LYNX1: variants seen among roughly 807,000 people sequenced by gnomAD.
The protein encoded by LYNX1 is ly-6/neurotoxin-like protein 1.
LYNX1 carries 8 observed loss-of-function variants against 8.3 expected under a neutral mutation model. That is an observed-to-expected ratio of 0.97 (90% confidence interval 0.57 to 1.74). The LOEUF is 1.74. LYNX1 is among the 40% of genes most tolerant of loss of function. The pLI, the probability that LYNX1 is intolerant of heterozygous loss-of-function variation, is 0.00. For missense variants in LYNX1, 158 were observed against 159.7 expected, an observed-to-expected ratio of 0.99 and a Z score of 0.06; for synonymous variants, 73 against 67.9, an observed-to-expected ratio of 1.08 and a Z score of -0.37.
chr8:142,772,291 C>G lies in LYNX1; in HGVS notation c.*2876G>C. 1 of 985,862 alleles carries G rather than the reference C, an allele frequency of 1.0e-6. No individual in the cohort carries two copies. The highest frequency in any genetic ancestry group is 1.2e-6 in the Non-Finnish European group (1 of 830,008). The allele number at this position is 985,862 out of a possible 1,614,324, so 61.1% of individuals were successfully genotyped here. ...AGAGATCCCCGAAGTGGGAACTGGG[C>G]CCCCATGGTGCCCAGTGCCTCTCCC... On this transcript the variant is annotated 3_prime_UTR_variant, in exon 4 of 4. Coordinates refer to ENST00000652477, the MANE Select transcript of LYNX1 (RefSeq NM_177477.4).
Position 142,772,772 on chromosome 8 carries a change from G to C in LYNX1, c.*2395C>G, listed in dbSNP as rs1354108573. On this transcript the variant is annotated 3_prime_UTR_variant, in exon 4 of 4. Transcript: ENST00000652477. ...CTGCACAGCCACGCACTCCCCATGA[G>C]TGGGCCTGCCCAGCATTAGCTGAGT... 6 of 985,464 alleles carry C rather than the reference G, an allele frequency of 6.1e-6. No homozygotes were observed. The South Asian group carries it at 2.3e-4, about 39-fold the overall frequency. 61.0% of individuals were successfully genotyped at this position (985,464 alleles called of 1,614,324 possible). A position where few individuals can be genotyped will look rare whatever the true frequency, so the allele number is the denominator to read the frequency against.
rs1815329772 is a variant in LYNX1, at chr8:142,774,724, C to A, written c.*443G>T. The A allele has an allele frequency of 9.9e-7, 1 of 1,011,210 alleles. No individual in the cohort carries two copies. Among genetic ancestry groups the A allele is most frequent in the Non-Finnish European group, 1.2e-6 (1 of 846,190 alleles). 62.6% of individuals were successfully genotyped at this position (1,011,210 alleles called of 1,614,324 possible). A position where few individuals can be genotyped will look rare whatever the true frequency, so the allele number is the denominator to read the frequency against. ...GGAAGCGTGACTAGGCCTGGAGGAG[C>A]CTTTCCTCCTAAGAGTCTCCCCACC... is the stretch of plus-strand genomic sequence containing the variant. On this transcript the variant is annotated 3_prime_UTR_variant, in exon 4 of 4. Transcript: ENST00000652477.
Position 142,774,578 on chromosome 8 carries a change from C to CAGGGTGG in LYNX1, c.*588_*589insCCACCCT. 9 of 985,878 alleles carry CAGGGTGG rather than the reference C, an allele frequency of 9.1e-6. No homozygotes were observed. Among genetic ancestry groups the CAGGGTGG allele is most frequent in the Non-Finnish European group, 1.1e-5 (9 of 830,290 alleles). 61.1% of individuals were successfully genotyped at this position (985,878 alleles called of 1,614,324 possible). ...GCCTGCTGAGGCAGAGCCGCCCCCT[C>CAGGGTGG]CCCTGCAGGGGGTGGCTCCAACTCG... is the stretch of plus-strand genomic sequence containing the variant. On this transcript the variant is annotated 3_prime_UTR_variant, in exon 4 of 4. Coordinates refer to ENST00000652477, the MANE Select transcript of LYNX1 (RefSeq NM_177477.4).
chr8:142,777,516 ACCGCAGGCCCCGCCCCGGACCCG>A (rs1815478002), upstream of LYNX1, among the ~76,000 whole-genome samples: 1 of 81,798 alleles, frequency 1.2e-5, no homozygotes, highest in Non-Finnish European at 2.4e-5. Flanking sequence ...AGCCGAGTTC[ACCGCAGGCCCCGCCCCGGACCCG>A]CCTCCTGGGC....
chr8:142,774,119 C>T lies in LYNX1; in HGVS notation c.*1048G>A, dbSNP rs1434917382. The T allele has an allele frequency of 5.1e-6, 5 of 985,208 alleles. No homozygotes were observed. Among genetic ancestry groups the T allele is most frequent in the Admixed American group, 6.1e-5 (1 of 16,282 alleles). The allele number at this position is 985,208 out of a possible 1,614,324, so 61.0% of individuals were successfully genotyped here. On this transcript the variant is annotated 3_prime_UTR_variant, in exon 4 of 4. Coordinates refer to ENST00000652477, the MANE Select transcript of LYNX1 (RefSeq NM_177477.4). ...AGGGACCCACTCACTGTGCGCATCC[C>T]GCTGCGGGGGAGGGGCTGGGTCTCC...
chr8:142,774,848 G>A lies in LYNX1; in HGVS notation c.*319C>T. On this transcript the variant is annotated 3_prime_UTR_variant, in exon 4 of 4. Transcript: ENST00000652477. ...CTAGGGCTTCCCAGAAGGTGGGCTT[G>A]GCCACAGCTCCCATCTGCTCAGTGC... The A allele has an allele frequency of 1.6e-6, 2 of 1,220,594 alleles. No homozygotes were observed. Among genetic ancestry groups the A allele is most frequent in the South Asian group, 2.7e-5 (1 of 36,416 alleles). 75.6% of individuals were successfully genotyped at this position (1,220,594 alleles called of 1,614,324 possible). A position where few individuals can be genotyped will look rare whatever the true frequency, so the allele number is the denominator to read the frequency against.
Position 142,772,351 on chromosome 8 carries a change from C to T in LYNX1, c.*2816G>A. On this transcript the variant is annotated 3_prime_UTR_variant, in exon 4 of 4. Transcript: ENST00000652477. ...TGCCACTCTGCCCTGCACCCAGAGG[C>T]AGCGCTGGAGGCCTTACTCTACCAC... The T allele has an allele frequency of 1.0e-6, 1 of 985,616 alleles. No individual in the cohort carries two copies. Among genetic ancestry groups the T allele is most frequent in the Non-Finnish European group, 1.2e-6 (1 of 829,990 alleles). 61.1% of individuals were successfully genotyped at this position (985,616 alleles called of 1,614,324 possible). A position where few individuals can be genotyped will look rare whatever the true frequency, so the allele number is the denominator to read the frequency against.
In LYNX1 at chr8:142,771,896, G is replaced by C. The variant is rs1376489244; in HGVS notation, c.*3271C>G. On this transcript the variant is annotated 3_prime_UTR_variant, in exon 4 of 4. Coordinates refer to ENST00000652477, the MANE Select transcript of LYNX1 (RefSeq NM_177477.4). ...CCAGGACAGACCAGAGCTCCTGCTGGAGCCGGGTGTCCCCATGCTGACCTG... is the reference window on the plus strand; with the variant it reads ...CCAGGACAGACCAGAGCTCCTGCTGCAGCCGGGTGTCCCCATGCTGACCTG... The C allele has an allele frequency of 2.0e-6, 2 of 985,766 alleles. No individual in the cohort carries two copies. Among genetic ancestry groups the C allele is most frequent in the Non-Finnish European group, 1.2e-6 (1 of 830,006 alleles). The allele number at this position is 985,766 out of a possible 1,614,324, so 61.1% of individuals were successfully genotyped here. A position where few individuals can be genotyped will look rare whatever the true frequency, so the allele number is the denominator to read the frequency against.
At chr8:142,775,872 G>A in intron 2 of LYNX1, 34 bp downstream of exon 2, 3 of 1,613,586 alleles carry the variant, frequency 1.9e-6, no homozygotes, top group Admixed American at 1.7e-5. Context: ...CTCAAAGTGG[G>A]TCTGCCCATC....
rs1280115816 is a variant in LYNX1 at position 142,773,958 on chromosome 8, A to T, written c.*1209T>A. 2 of 985,210 alleles carry T rather than the reference A, an allele frequency of 2.0e-6. No homozygotes were observed. Among genetic ancestry groups the T allele is most frequent in the African/African-American group, 3.5e-5 (2 of 57,194 alleles). 61.0% of individuals were successfully genotyped at this position (985,210 alleles called of 1,614,324 possible). A position where few individuals can be genotyped will look rare whatever the true frequency, so the allele number is the denominator to read the frequency against. ...GGCAGGTGCTCCCTGGGCTACCTGC[A>T]TCGGGGATGGATTGGTGCGTGTTGG... On this transcript the variant is annotated 3_prime_UTR_variant, in exon 4 of 4. Transcript: ENST00000652477.
At position 142,774,420 on chromosome 8, in the gene LYNX1, G is replaced by A; in HGVS notation, c.*747C>T. Reference sequence around the variant, plus strand: ...GTCCAGGACCCACCAAATATAGCATGGCCCTAGCTCCTGCCAGCTTCAGGC... The same window carrying A: ...GTCCAGGACCCACCAAATATAGCATAGCCCTAGCTCCTGCCAGCTTCAGGC... On this transcript the variant is annotated 3_prime_UTR_variant, in exon 4 of 4. Coordinates refer to ENST00000652477, the MANE Select transcript of LYNX1 (RefSeq NM_177477.4). 2.0e-6 allele frequency: 2 copies of A among 985,872 alleles called. No homozygotes were observed. The highest frequency in any genetic ancestry group is 9.4e-5 in the South Asian group (2 of 21,284). The allele number at this position is 985,872 out of a possible 1,614,324, so 61.1% of individuals were successfully genotyped here.
chr8:142,773,279 G>T lies in LYNX1; in HGVS notation c.*1888C>A, dbSNP rs1341230005. On this transcript the variant is annotated 3_prime_UTR_variant, in exon 4 of 4. Transcript: ENST00000652477. ...AGGTGGGGGCCCTTGGGAGCTCTGGGAGGCACCTGGCAGCCTCCCAGACAC... is the reference window on the plus strand; with the variant it reads ...AGGTGGGGGCCCTTGGGAGCTCTGGTAGGCACCTGGCAGCCTCCCAGACAC... The T allele has an allele frequency of 1.0e-6, 1 of 985,244 alleles. No individual in the cohort carries two copies. Among genetic ancestry groups the T allele is most frequent in the African/African-American group, 1.7e-5 (1 of 57,204 alleles). The allele number at this position is 985,244 out of a possible 1,614,324, so 61.0% of individuals were successfully genotyped here. A position where few individuals can be genotyped will look rare whatever the true frequency, so the allele number is the denominator to read the frequency against.
chr8:142,774,615 CT>C lies in LYNX1; in HGVS notation c.*551del. On this transcript the variant is annotated 3_prime_UTR_variant, in exon 4 of 4. Coordinates refer to ENST00000652477, the MANE Select transcript of LYNX1 (RefSeq NM_177477.4). ...GTGGCTCCAACTCGGGCCTGGCAGA[CT>C]TCCTAGCACAGGGGCCGGTGCCAAA... 2 of 986,156 alleles carry C rather than the reference CT, an allele frequency of 2.0e-6. No homozygotes were observed. The highest frequency in any genetic ancestry group is 2.4e-6 in the Non-Finnish European group (2 of 830,442). The allele number at this position is 986,156 out of a possible 1,614,324, so 61.1% of individuals were successfully genotyped here. A position where few individuals can be genotyped will look rare whatever the true frequency, so the allele number is the denominator to read the frequency against.
chr8:142,773,687 C>T lies in LYNX1; in HGVS notation c.*1480G>A. 2.0e-6 allele frequency: 2 copies of T among 985,414 alleles called. No homozygotes were observed. Among genetic ancestry groups the T allele is most frequent in the Non-Finnish European group, 1.2e-6 (1 of 829,952 alleles). 61.0% of individuals were successfully genotyped at this position (985,414 alleles called of 1,614,324 possible). On this transcript the variant is annotated 3_prime_UTR_variant, in exon 4 of 4. Coordinates refer to ENST00000652477, the MANE Select transcript of LYNX1 (RefSeq NM_177477.4). ...GGTGGAGACCCTCATTCCCTGATCC[C>T]CCAGGGGTCCTGCATCAAAGCTCTG...
In LYNX1 at chr8:142,775,930, C is replaced by G. The variant is rs915213161; in HGVS notation, c.28G>C (p.Val10Leu). ...CCCAGAGGTAAGCCCATGAGGACCA[C>G]CAGGATCAGGGTGAGCAGGGGCGTC... MTPLLTLIL[V>L]VLMGLPLAQA... The change falls in exon 2 of 4, where the codon GTG becomes CTG. Residue 10 changes from valine to leucine, a missense_variant. Coordinates refer to ENST00000652477, the MANE Select transcript of LYNX1 (RefSeq NM_177477.4). 1.2e-6 allele frequency: 2 copies of G among 1,614,130 alleles called. No homozygotes were observed. The highest frequency in any genetic ancestry group is 3.3e-5 in the Admixed American group (2 of 60,022).
At position 142,774,079 on chromosome 8, in the gene LYNX1, G is replaced by A. The variant is rs1277217072; in HGVS notation, c.*1088C>T. ...TGCCCTCCCAGTGGGTGCATCCCCA[G>A]GTGGAAGGTGATGGAGGGACCCACT... On this transcript the variant is annotated 3_prime_UTR_variant, in exon 4 of 4. Transcript: ENST00000652477. 2 of 985,226 alleles carry A rather than the reference G, an allele frequency of 2.0e-6. No individual in the cohort carries two copies. The highest frequency in any genetic ancestry group is 2.4e-6 in the Non-Finnish European group (2 of 829,930). 61.0% of individuals were successfully genotyped at this position (985,226 alleles called of 1,614,324 possible).
At position 142,775,108 on chromosome 8, in the gene LYNX1, C is replaced by T. The variant is rs77554044; in HGVS notation, c.*59G>A. 4.1e-4 allele frequency: 644 copies of T among 1,555,326 alleles called. 6 individuals carry two copies. In the East Asian group the frequency reaches 9.6e-3, roughly 23 times the overall value. ...AGGGTGAGGCAGGGTGAGCTGGGTGCGAGGGTGTAGCAGTGTGTCTCGAGA... is the reference window on the plus strand; with the variant it reads ...AGGGTGAGGCAGGGTGAGCTGGGTGTGAGGGTGTAGCAGTGTGTCTCGAGA... On this transcript the variant is annotated 3_prime_UTR_variant, in exon 4 of 4. Coordinates refer to ENST00000652477, the MANE Select transcript of LYNX1 (RefSeq NM_177477.4).
rs587607912 is a variant in LYNX1, at chr8:142,774,575, C to T, written c.*592G>A. ...GGGGCCTGCTGAGGCAGAGCCGCCC[C>T]CTCCCCTGCAGGGGGTGGCTCCAAC... is the stretch of plus-strand genomic sequence containing the variant. On this transcript the variant is annotated 3_prime_UTR_variant, in exon 4 of 4. Coordinates refer to ENST00000652477, the MANE Select transcript of LYNX1 (RefSeq NM_177477.4). 3.0e-6 allele frequency: 3 copies of T among 985,850 alleles called. No homozygotes were observed. Among genetic ancestry groups the T allele is most frequent in the South Asian group, 9.4e-5 (2 of 21,304 alleles). The allele number at this position is 985,850 out of a possible 1,614,324, so 61.1% of individuals were successfully genotyped here.
rs891220797 is a variant in LYNX1 at position 142,773,557 on chromosome 8, C to T, written c.*1610G>A. ...GGTGTGCCCTCAGCAAGACTCTGCC[C>T]CCTCCCATCCTCATGTTCTCAGGAG... On this transcript the variant is annotated 3_prime_UTR_variant, in exon 4 of 4. Transcript: ENST00000652477. The T allele has an allele frequency of 1.0e-6, 1 of 985,524 alleles. No homozygotes were observed. The highest frequency in any genetic ancestry group is 1.7e-5 in the African/African-American group (1 of 57,220). 61.0% of individuals were successfully genotyped at this position (985,524 alleles called of 1,614,324 possible).
Sources: allele counts gnomAD v4.1 joint callset (sites outside exome capture counted in the v4.1 genomes callset), GRCh38; gene constraint gnomAD v4.1.1; transcripts MANE v1.5; gene names NCBI Gene and HGNC (gene_info 2026-07-23, HGNC 2026-07-21).